The following TMEM179B variants were observed in gnomAD, a reference collection of about 807,000 sequenced individuals.
TMEM179B encodes transmembrane protein 179B.
In TMEM179B, 13 loss-of-function variants were observed where a neutral mutation model predicts 18.0. The ratio of observed to expected loss-of-function variants is 0.72; its 90% CI spans 0.47 to 1.15. The LOEUF is 1.15. Among genes scored for constraint, TMEM179B ranks in the 50% most tolerant of loss-of-function variants. TMEM179B has a pLI of 0.00. For synonymous variants in TMEM179B, 159 were observed against 117.5 expected (o/e 1.35, Z -2.29); for missense variants, 320 against 270.6 (o/e 1.18, Z -1.28).
chr11:62,789,596 C>G lies in TMEM179B; in HGVS notation c.420-5C>G. ...TTTCTCACAACTGTCTCTTTGACCT[C>G]ACAGCTGTTCTGAAGCCCAGAAAAT... On this transcript the variant is annotated splice_region_variant and splice_polypyrimidine_tract_variant and intron_variant, in intron 3 of 4. Transcript: ENST00000333449. The G allele has an allele frequency of 1.9e-6, 3 of 1,548,700 alleles. No individual in the cohort carries two copies. The highest frequency in any genetic ancestry group is 1.7e-6 in the Non-Finnish European group (2 of 1,150,462).
rs768116893 is a variant in TMEM179B, at chr11:62,789,988, G to A, written c.601G>A (p.Asp201Asn). ...CCCATACCGGCCTCTGGAGAGGGGT[G>A]ACCCTGAGTGGAGCTCTGAGACAGA... ...ATPYRPLERG[D>N]PEWSSETDAL... Residue 201 changes from aspartate to asparagine, a missense_variant, in exon 5 of 5, where the codon GAC becomes AAC. Asp to Asn is a conservative substitution (Grantham distance 23). Transcript: ENST00000333449. The A allele has an allele frequency of 1.8e-5, 29 of 1,614,034 alleles. No homozygotes were observed. The highest frequency in any genetic ancestry group is 2.4e-5 in the Non-Finnish European group (28 of 1,180,036).
rs1565194313 is a variant in TMEM179B, at chr11:62,790,020, C to T, written c.633C>T (p.Leu211=). Residue 211 remains leucine, a synonymous_variant, in exon 5 of 5, where the codon CTC becomes CTT. Coordinates refer to ENST00000333449, the MANE Select transcript of TMEM179B (RefSeq NM_199337.3). ...AGTGGAGCTCTGAGACAGATGCTCT[C>T]GTTGGGTCACGCCTTTCCCATTCCT... is the stretch of plus-strand genomic sequence containing the variant. ...DPEWSSETDA[L]VGSRLSHS 9 of 1,613,256 alleles carry T rather than the reference C, an allele frequency of 5.6e-6. No individual in the cohort carries two copies. Among genetic ancestry groups the T allele is most frequent in the South Asian group, 3.3e-5 (3 of 91,022 alleles).
In TMEM179B at chr11:62,789,962, C is replaced by A. The variant is rs1426246319; in HGVS notation, c.575C>A (p.Thr192Asn). 1 of 1,614,068 alleles carries A rather than the reference C, an allele frequency of 6.2e-7. No homozygotes were observed. Among genetic ancestry groups the A allele is most frequent in the Admixed American group, 1.7e-5 (1 of 60,012 alleles). The change falls in exon 5 of 5, where the codon ACC (threonine) becomes AAC (asparagine). Residue 192 changes from threonine (T) to asparagine (N), a missense_variant. Physicochemically the swap from Thr to Asn is moderately conservative, Grantham distance 65 (BLOSUM62 0). Transcript: ENST00000333449. ...GTCGTGCAGTGGAAGTCTGAAGCCA[C>A]CCCATACCGGCCTCTGGAGAGGGGT... is the stretch of plus-strand genomic sequence containing the variant. Reference protein sequence around the residue: ...LQVVQWKSEATPYRPLERGDP... With the variant: ...LQVVQWKSEANPYRPLERGDP...
In TMEM179B at chr11:62,790,170, A is replaced by T; in HGVS notation, c.*123A>T. ...CCTTTCGTTGGGGGGTGGGGGGGAA[A>T]CATAATGACAGGCCCCCCTCCACCT... On this transcript the variant is annotated 3_prime_UTR_variant, in exon 5 of 5. Transcript: ENST00000333449. The T allele has an allele frequency of 8.9e-7, 1 of 1,126,418 alleles. No homozygotes were observed. Among genetic ancestry groups the T allele is most frequent in the South Asian group, 1.7e-5 (1 of 59,122 alleles). 69.8% of individuals were successfully genotyped at this position (1,126,418 alleles called of 1,614,324 possible). A position where few individuals can be genotyped will look rare whatever the true frequency, so the allele number is the denominator to read the frequency against.
chr11:62,788,426 C>G (rs143245310), intron 1 of TMEM179B, among the ~76,000 whole-genome samples: 1 of 151,378 alleles, frequency 6.6e-6, no homozygotes. Context: ...AAACACTGGC[C>G]GGGCCTGGTG....
chr11:62,787,864 C>T (rs1053973144), intron 1 of TMEM179B: 1 of 606,468 alleles, frequency 1.6e-6, no homozygotes, highest in African/African-American at 1.8e-5. Context: ...TCCGTTAAAT[C>T]AGAAGCCATT....
chr11:62,787,546 G>A lies in TMEM179B; in HGVS notation c.96+19G>A. ...GACCCAGGTGCGGCTGCGGGGCGGGGTCAGGTAGGCGGGGGAGCTGGCCGG... is the reference window on the plus strand; with the variant it reads ...GACCCAGGTGCGGCTGCGGGGCGGGATCAGGTAGGCGGGGGAGCTGGCCGG... On this transcript the variant is annotated intron_variant, in intron 1 of 4. Coordinates refer to ENST00000333449, the MANE Select transcript of TMEM179B (RefSeq NM_199337.3). 6.5e-7 allele frequency: 1 copy of A among 1,539,762 alleles called. No individual in the cohort carries two copies. Among genetic ancestry groups the A allele is most frequent in the Non-Finnish European group, 8.7e-7 (1 of 1,152,248 alleles).
rs760081104 is a variant in TMEM179B, at chr11:62,789,375, T to C, written c.368T>C (p.Phe123Ser). ...LVLVSACILR[F>S]GTRSLCNSII... is the part of the protein sequence containing the mutation. ...TTGGTGTCTGCCTGTATCCTTCGATTTGGCACCAGGTCTCTCTGCAACTCC... is the reference window on the plus strand; with the variant it reads ...TTGGTGTCTGCCTGTATCCTTCGATCTGGCACCAGGTCTCTCTGCAACTCC... The change falls in exon 3 of 5, where the codon TTT becomes TCT. Residue 123 changes from phenylalanine (F) to serine (S), a missense_variant. Transcript: ENST00000333449. The C allele has an allele frequency of 2.5e-6, 4 of 1,613,898 alleles. No homozygotes were observed. The highest frequency in any genetic ancestry group is 3.3e-5 in the Admixed American group (2 of 59,988).
At chr11:62,787,770 A>G (rs2241908) in intron 1 of TMEM179B, 259,394 of 685,674 alleles carry the variant, frequency 0.38, 54,289 homozygotes, top group South Asian at 0.6. Flanking sequence ...GTCTTAAAGC[A>G]CTAGGTGGAG....
rs2084345865 is a variant in TMEM179B at position 62,790,371 on chromosome 11, T to A, written c.*324T>A. 1 of 552,710 alleles carries A rather than the reference T, an allele frequency of 1.8e-6. No individual in the cohort carries two copies. Among genetic ancestry groups the A allele is most frequent in the African/African-American group, 1.9e-5 (1 of 52,748 alleles). 34.2% of individuals were successfully genotyped at this position (552,710 alleles called of 1,614,324 possible). On this transcript the variant is annotated 3_prime_UTR_variant, in exon 5 of 5. Coordinates refer to ENST00000333449, the MANE Select transcript of TMEM179B (RefSeq NM_199337.3). ...CTAGGGATGACTGCTCCTTTATTTG[T>A]TGTTAATGAATCTTGACCTCCTTGT... is the stretch of plus-strand genomic sequence containing the variant.
chr11:62,788,676 C>CAAAAAAA lies in TMEM179B; in HGVS notation c.97-336_97-330dup, dbSNP rs5792270. On this transcript the variant is annotated intron_variant, in intron 1 of 4. Coordinates refer to ENST00000333449, the MANE Select transcript of TMEM179B (RefSeq NM_199337.3). Reference sequence around the variant, plus strand: ...CCGAGATGGCGCCACTGCACTCCAGCAAAAAAAAAAAAAAAAAGCACCTCA... The same window carrying CAAAAAAA: ...CCGAGATGGCGCCACTGCACTCCAGCAAAAAAAAAAAAAAAAAAAAAAAAGCACCTCA... Among the ~76,000 whole-genome samples, 2 of 122,414 alleles carry CAAAAAAA rather than the reference C, an allele frequency of 1.6e-5. 1 individual carries two copies. The highest frequency in any genetic ancestry group is 3.3e-5 in the Non-Finnish European group (2 of 60,456). The allele number at this position is 122,414 out of a possible 152,430, so 80.3% of individuals were successfully genotyped here. A position where few individuals can be genotyped will look rare whatever the true frequency, so the allele number is the denominator to read the frequency against.
At position 62,789,163 on chromosome 11, in the gene TMEM179B, G is replaced by A. The variant is rs1313510001; in HGVS notation, c.237G>A (p.Leu79=). ...GCCTCTTGGCCCTCTACTGCCTCCT[G>A]CTTTTGCTCTTCTGGATCTACAGCA... ...ASGLLALYCL[L]LLLFWIYSSC... is the part of the protein sequence containing the mutation. Residue 79 remains leucine, a synonymous_variant, in exon 2 of 5, where the codon CTG becomes CTA. Coordinates refer to ENST00000333449, the MANE Select transcript of TMEM179B (RefSeq NM_199337.3). The A allele has an allele frequency of 6.2e-6, 10 of 1,614,178 alleles. No homozygotes were observed. Among genetic ancestry groups the A allele is most frequent in the Non-Finnish European group, 8.5e-6 (10 of 1,180,032 alleles).
Position 62,790,121 on chromosome 11 carries a change from G to C in TMEM179B, c.*74G>C. ...CTGTAATCCCCCCCCTCAAGGCCCTGTTTATGTTGGGAGTCTTAGTTTTCC... is the reference window on the plus strand; with the variant it reads ...CTGTAATCCCCCCCCTCAAGGCCCTCTTTATGTTGGGAGTCTTAGTTTTCC... On this transcript the variant is annotated 3_prime_UTR_variant, in exon 5 of 5. Transcript: ENST00000333449. 1 of 926,364 alleles carries C rather than the reference G, an allele frequency of 1.1e-6. No homozygotes were observed. The highest frequency in any genetic ancestry group is 1.5e-6 in the Non-Finnish European group (1 of 656,694). The allele number at this position is 926,364 out of a possible 1,614,324, so 57.4% of individuals were successfully genotyped here.
At position 62,790,089 on chromosome 11, in the gene TMEM179B, C is replaced by T; in HGVS notation, c.*42C>T. ...TTCCTGCAGCCGAAGACTCCATGCCCAAGTGCCTGTAATCCCCCCCCTCAA... is the reference window on the plus strand; with the variant it reads ...TTCCTGCAGCCGAAGACTCCATGCCTAAGTGCCTGTAATCCCCCCCCTCAA... On this transcript the variant is annotated 3_prime_UTR_variant, in exon 5 of 5. Transcript: ENST00000333449. The T allele has an allele frequency of 6.5e-7, 1 of 1,535,552 alleles. No individual in the cohort carries two copies.
chr11:62,789,538 G>A, intron 3 of TMEM179B, 63 bp from the exon 4 acceptor site: 1 of 1,571,860 alleles, frequency 6.4e-7, no homozygotes, highest in South Asian at 1.2e-5. Flanking sequence ...AGGGCACTGG[G>A]CACAGGTGTG....
rs1331133568 is a variant in TMEM179B, at chr11:62,790,162, G to A, written c.*115G>A. 1 of 1,231,410 alleles carries A rather than the reference G, an allele frequency of 8.1e-7. No individual in the cohort carries two copies. Among genetic ancestry groups the A allele is most frequent in the East Asian group, 2.6e-5 (1 of 38,080 alleles). 76.3% of individuals were successfully genotyped at this position (1,231,410 alleles called of 1,614,324 possible). Reference sequence around the variant, plus strand: ...TTAGTTTTCCTTTCGTTGGGGGGTGGGGGGGAAACATAATGACAGGCCCCC... The same window carrying A: ...TTAGTTTTCCTTTCGTTGGGGGGTGAGGGGGAAACATAATGACAGGCCCCC... On this transcript the variant is annotated 3_prime_UTR_variant, in exon 5 of 5. Transcript: ENST00000333449.
Position 62,790,333 on chromosome 11 carries a change from T to C in TMEM179B, c.*286T>C, listed in dbSNP as rs987228170. ...CATGGACTGAAACTTAGAGGTACTG[T>C]TAGGCAGCTGCCCTAGGGATGACTG... On this transcript the variant is annotated 3_prime_UTR_variant, in exon 5 of 5. Transcript: ENST00000333449. The C allele has an allele frequency of 1.8e-6, 1 of 542,088 alleles. No homozygotes were observed. The highest frequency in any genetic ancestry group is 1.9e-5 in the African/African-American group (1 of 52,830). 33.6% of individuals were successfully genotyped at this position (542,088 alleles called of 1,614,324 possible).
Position 62,789,318 on chromosome 11 carries a change from T to A in TMEM179B, c.311T>A (p.Leu104Gln), listed in dbSNP as rs753716312. Reference protein sequence around the residue: ...HRGAIGLRIALAISAIAVFLV... With the variant: ...HRGAIGLRIAQAISAIAVFLV... ...GGTGCTATAGGGCTGCGCATTGCAC[T>A]GGCCATCTCAGCTATAGCCGTCTTC... The change falls in exon 3 of 5, where the codon CTG (leucine) becomes CAG (glutamine). Residue 104 changes from leucine (L) to glutamine (Q), a missense_variant. Physicochemically the swap from Leu to Gln is moderately radical, Grantham distance 113 (BLOSUM62 -2). Transcript: ENST00000333449. 1 of 1,613,946 alleles carries A rather than the reference T, an allele frequency of 6.2e-7. No homozygotes were observed. Among genetic ancestry groups the A allele is most frequent in the East Asian group, 2.2e-5 (1 of 44,894 alleles).
chr11:62,787,424 A>AG lies in TMEM179B; in HGVS notation c.-5dup, dbSNP rs1491018913. 6.4e-7 allele frequency: 1 copy of AG among 1,560,268 alleles called. No homozygotes were observed. Among genetic ancestry groups the AG allele is most frequent in the Non-Finnish European group, 8.6e-7 (1 of 1,160,698 alleles). On this transcript the variant is annotated 5_prime_UTR_variant, in exon 1 of 5. Transcript: ENST00000333449. ...GCTGCAGCGGCGCTTCCTGGTGGTC[A>AG]GGGCGCCATGGCGCTGTCCTGGCTG...
Sources: allele counts gnomAD v4.1 joint callset (sites outside exome capture counted in the v4.1 genomes callset), GRCh38; gene constraint gnomAD v4.1.1; transcripts MANE v1.5; gene names NCBI Gene and HGNC (gene_info 2026-07-23, HGNC 2026-07-21).